Variants in AGRN observed in about 807,000 individuals in gnomAD.
AGRN encodes the protein agrin proteoglycan.
In AGRN, 106 loss-of-function variants were observed where a neutral mutation model predicts 211.0. That is an observed-to-expected ratio of 0.50 (90% CI 0.43 to 0.59). The LOEUF is 0.59. Ranked by LOEUF, AGRN falls within the 20% of genes least tolerant of loss-of-function variation. The pLI is 0.00. For missense variants in AGRN, 3,040 were observed against 2,982.6 expected, an observed-to-expected ratio of 1.02 and a Z score of -0.45; for synonymous variants, 1,525 against 1,332.5, an observed-to-expected ratio of 1.14 and a Z score of -3.15.
At chr1:1,041,930 G>A (rs1170037868) in intron 6 of AGRN, 26 bp from the exon 7 acceptor site, 3 of 1,609,830 alleles carry the variant, frequency 1.9e-6, no homozygotes, top group Non-Finnish European at 2.5e-6. Context: ...CAGCCTCTCC[G>A]TGACTCCCTC....
Position 1,048,167 on chromosome 1 carries a change from G to T in AGRN, c.3907G>T (p.Ala1303Ser). 2 of 1,579,608 alleles carry T rather than the reference G, an allele frequency of 1.3e-6. No homozygotes were observed. The highest frequency in any genetic ancestry group is 8.6e-7 in the Non-Finnish European group (1 of 1,169,022). ...AAGCCAGCCCGTTGCCAAGACCACG[G>T]CAGCCCCCACCACACGTCGGCCCCC... ...HTSQPVAKTT[A>S]APTTRRPPTT... is the part of the protein sequence containing the mutation. The change falls in exon 23 of 36, where the codon GCA becomes TCA. Residue 1303 changes from alanine (A) to serine (S), a missense_variant. This residue lies in a region of AGRN where 1,537 missense variants were observed against 1,505.0 expected (regional missense o/e 1.02). Transcript: ENST00000379370. The surrounding 1 kb of genome is among the most constrained non-coding windows in gnomAD (Gnocchi z 5.9).
At chr1:1,047,736 G>A in intron 21 of AGRN, 40 bp from the exon 22 acceptor site, 5 of 1,612,080 alleles carry the variant, frequency 3.1e-6, no homozygotes, top group Non-Finnish European at 4.2e-6. Context: ...GGTGGGGGAT[G>A]CCTGGGGCTC....
chr1:1,023,525 A>G (rs2710890), intron 2 of AGRN, among the ~76,000 whole-genome samples: 56,040 of 151,816 alleles, frequency 0.37, 10,684 homozygotes, highest in African/African-American at 0.41. Flanking sequence ...CTGGGCACTC[A>G]TGGTCTGGGG....
At chr1:1,041,783 G>A (rs1234378254) in intron 6 of AGRN, 81 bp downstream of exon 6, 1 of 560,768 alleles carries the variant, frequency 1.8e-6, no homozygotes, top group African/African-American at 2.2e-5. Context: ...GCTCCGGCCA[G>A]TGCCAGGGTC....
chr1:1,050,685 G>A (rs368151237), intron 29 of AGRN, 41 bp from the exon 30 acceptor site: 35 of 1,601,534 alleles, frequency 2.2e-5, no homozygotes, highest in Middle Eastern at 2.0e-4. Context: ...TCGCGTGGCC[G>A]GTGGTGGACA....
At chr1:1,026,844 G>A (rs920429212) in intron 2 of AGRN, among the ~76,000 whole-genome samples, 1 of 152,234 alleles carries the variant, frequency 6.6e-6, no homozygotes, top group Non-Finnish European at 1.5e-5. Context: ...ACAGTCGCCC[G>A]CTGGAGGAGG....
chr1:1,026,157 G>T (rs1644517096), intron 2 of AGRN, among the ~76,000 whole-genome samples: 1 of 152,146 alleles, frequency 6.6e-6, no homozygotes, highest in Non-Finnish European at 1.5e-5. Context: ...CCCACCCAGA[G>T]AACAGCCCTG....
At position 1,050,827 on chromosome 1, in the gene AGRN, G is replaced by T. The variant is rs1645262992; in HGVS notation, c.5243G>T (p.Gly1748Val). ...LRVGDGPRVL[G>V]ESPVPHTVLN... ...GTGGGCGACGGCCCCCGTGTGTTGG[G>T]GGAGTCCCCGGTGAGTGCTCTGGGC... Residue 1748 changes from glycine (G) to valine (V), a missense_variant, in exon 30 of 36, where the codon GGG (glycine) becomes GTG (valine). Coordinates refer to ENST00000379370, the MANE Select transcript of AGRN (RefSeq NM_198576.4). 1 of 1,577,824 alleles carries T rather than the reference G, an allele frequency of 6.3e-7. No homozygotes were observed.
At position 1,048,767 on chromosome 1, in the gene AGRN, CAAAAAAAAAAA is replaced by C. The variant is rs57668569; in HGVS notation, c.4106-88_4106-78del. 0.51 allele frequency: 552,831 copies of C among 1,076,708 alleles called. 89,822 individuals carry two copies. Among genetic ancestry groups the C allele is most frequent in the East Asian group, 0.63 (20,712 of 32,814 alleles). The allele number at this position is 1,076,708 out of a possible 1,614,324, so 66.7% of individuals were successfully genotyped here. A position where few individuals can be genotyped will look rare whatever the true frequency, so the allele number is the denominator to read the frequency against. On this transcript the variant is annotated intron_variant, in intron 23 of 35. Coordinates refer to ENST00000379370, the MANE Select transcript of AGRN (RefSeq NM_198576.4). The surrounding 1 kb of genome is among the most constrained non-coding windows in gnomAD (Gnocchi z 5.9). ...GGGCAAAAAGAGCAAAACTCCGTCT[CAAAAAAAAAAA>C]AAAAAAAAAAAGCAGGGGGCGGTTT...
intron 2 of AGRN, among the ~76,000 whole-genome samples, chr1:1,024,020 G>A (rs1012661534): frequency 1.3e-5 from 2 of 152,150 alleles, no homozygotes; most frequent in African/African-American, 4.8e-5. Flanking sequence ...CCAGGGGAGG[G>A]TTAGCCAGGG....
At chr1:1,034,511 G>A (rs1350841595) in intron 2 of AGRN, 13 of 985,702 alleles carry the variant, frequency 1.3e-5, no homozygotes, top group Non-Finnish European at 1.6e-5. Context: ...CCCGTGAGGA[G>A]CCCCCACGCT....
chr1:1,054,432 C>T lies in AGRN; in HGVS notation c.5877-16C>T, dbSNP rs371544818. 11 of 1,564,862 alleles carry T rather than the reference C, an allele frequency of 7.0e-6. No homozygotes were observed. The highest frequency in any genetic ancestry group is 4.1e-5 in the African/African-American group (3 of 73,884). ...AACTCTGGGCCCTGATGGTCTCCCC[C>T]TCCCTGCACACCCAGGGAGCAGAGG... On this transcript the variant is annotated splice_polypyrimidine_tract_variant and intron_variant, in intron 34 of 35. Coordinates refer to ENST00000379370, the MANE Select transcript of AGRN (RefSeq NM_198576.4).
Position 1,046,727 on chromosome 1 carries a change from G to T in AGRN, c.3242G>T (p.Gly1081Val). 1 of 1,580,144 alleles carries T rather than the reference G, an allele frequency of 6.3e-7. No homozygotes were observed. The highest frequency in any genetic ancestry group is 1.7e-5 in the Admixed American group (1 of 58,370). Residue 1081 changes from glycine (G) to valine (V), a missense_variant, in exon 18 of 36, where the codon GGC becomes GTC. By Grantham distance (109) the Gly-to-Val change is moderately radical (BLOSUM62 -3). Coordinates refer to ENST00000379370, the MANE Select transcript of AGRN (RefSeq NM_198576.4). The stretch of plus-strand genomic sequence containing the variant: ...GGGGACCAGGAGGCCAGTGGGGGTG[G>T]CTCTGGGGGTGAGCAGGGATCAAGG... ...LSGDQEASGGGSGGLEPLEGS... is the reference protein window; with the variant it reads ...LSGDQEASGGVSGGLEPLEGS...
Position 1,044,387 on chromosome 1 carries a change from C to T in AGRN, c.2202C>T (p.Ala734=), listed in dbSNP as rs1331550802. The change falls in exon 12 of 36, where the codon GCC becomes GCT. Residue 734 remains alanine, a synonymous_variant. Transcript: ENST00000379370. ...TYSTECELKK[A]RCESQRGLYV... ...GCACCGAGTGTGAGCTGAAGAAGGC[C>T]AGGTGTGAGTCACAGCGAGGGCTCT... 1.2e-6 allele frequency: 2 copies of T among 1,612,662 alleles called. No individual in the cohort carries two copies. The highest frequency in any genetic ancestry group is 2.2e-5 in the East Asian group (1 of 44,870).
chr1:1,042,583 G>A (rs927066088), intron 7 of AGRN, among the ~76,000 whole-genome samples: 4 of 152,174 alleles, frequency 2.6e-5, no homozygotes, highest in Non-Finnish European at 4.4e-5. Flanking sequence ...GTCGTGTCCC[G>A]TCGTGTTCGT....
chr1:1,040,538 G>A, intron 3 of AGRN, 127 bp from the exon 4 acceptor site: 1 of 1,153,292 alleles, frequency 8.7e-7, no homozygotes. Flanking sequence ...CCGTGTCCGT[G>A]GTGGACCCCC....
Position 1,050,408 on chromosome 1 carries a change from C to G in AGRN, c.4977-19C>G. On this transcript the variant is annotated intron_variant, in intron 28 of 35. Coordinates refer to ENST00000379370, the MANE Select transcript of AGRN (RefSeq NM_198576.4). ...TGGGGAGGGGACAGCAAAGACACCC[C>G]GACTCCCCATGACCCCAGGGAGAAG... 6.2e-7 allele frequency: 1 copy of G among 1,612,722 alleles called. No individual in the cohort carries two copies.
In AGRN at chr1:1,047,901, C is replaced by T. The variant is rs756678012; in HGVS notation, c.3751+6C>T. ...CGTGCGATTTATGGACTTTGGTGAG[C>T]GCCAGGCCACGAGCCACAGCTTACC... is the stretch of plus-strand genomic sequence containing the variant. On this transcript the variant is annotated splice_donor_region_variant and intron_variant, in intron 22 of 35. Transcript: ENST00000379370. The T allele has an allele frequency of 1.2e-5, 19 of 1,600,346 alleles. No individual in the cohort carries two copies. The highest frequency in any genetic ancestry group is 4.5e-5 in the East Asian group (2 of 44,032).
At chr1:1,050,961 T>C in intron 30 of AGRN, 124 bp downstream of exon 30, 6 of 1,549,608 alleles carry the variant, frequency 3.9e-6, no homozygotes, top group Admixed American at 2.0e-5. Flanking sequence ...CCGCCTGCCC[T>C]GTCCTCTGCC....
Sources: gnomAD v4.1 joint callset for allele counts (sites outside exome capture counted in the v4.1 genomes callset) on GRCh38, gnomAD v4.1.1 for gene constraint, gnomAD v4.1.1 regional missense constraint, Gnocchi (gnomAD v3.1) non-coding constraint, MANE v1.5 for transcripts, NCBI Gene and HGNC (gene_info 2026-07-23, HGNC 2026-07-21) for gene names.